Variants in TEK observed in about 807,000 individuals in gnomAD.
TEK encodes the protein angiopoietin-1 receptor.
In TEK, 43 loss-of-function variants were observed where a neutral mutation model predicts 131.8. The observed-to-expected ratio is 0.33, with a 90% CI of 0.26 to 0.42. The LOEUF (loss-of-function observed/expected upper bound fraction) is 0.42. TEK is among the 10% of genes least tolerant of loss of function. The probability of loss-of-function intolerance (pLI) is 1.00; values close to 1 mark genes in which losing one functional copy is unlikely to be tolerated. For missense variants in TEK, 1,162 were observed against 1,384.4 expected, an observed-to-expected ratio of 0.84 and a Z score of 2.55; for synonymous variants, 580 against 491.6, an observed-to-expected ratio of 1.18 and a Z score of -2.38.
At chr9:27,201,820 G>A (rs955023218) in intron 12 of TEK, among the ~76,000 whole-genome samples, 24 of 152,254 alleles carry the variant, frequency 1.6e-4, no homozygotes, top group African/African-American at 5.5e-4. Context: ...TCTACTATTC[G>A]CCTACTGGGA....
rs66900456 is a variant in TEK at position 27,116,859 on chromosome 9, ATTT to A, written c.52+7235_52+7237del. Among the ~76,000 whole-genome samples the A allele has an allele frequency of 9.2e-3, 1,109 of 120,730 alleles. 21 individuals carry two copies. Among genetic ancestry groups the A allele is most frequent in the African/African-American group, 0.033 (1,029 of 31,094 alleles). The allele number at this position is 120,730 out of a possible 152,430, so 79.2% of individuals were successfully genotyped here. A position where few individuals can be genotyped will look rare whatever the true frequency, so the allele number is the denominator to read the frequency against. On this transcript the variant is annotated intron_variant, in intron 1 of 22. Transcript: ENST00000380036. ...GCTGCTGTAGCAGCCATGGAAAGAAATTTTTTTTTTTTTTTTTTTTGAGTCGGA... is the reference window on the plus strand; with the variant it reads ...GCTGCTGTAGCAGCCATGGAAAGAAATTTTTTTTTTTTTTTTTGAGTCGGA...
intron 7 of TEK, 107 bp downstream of exon 7, chr9:27,180,475 T>C (rs1271765067): frequency 6.7e-7 from 1 of 1,490,076 alleles, no homozygotes; most frequent in Non-Finnish European, 9.1e-7. Context: ...GCCTCTTTTG[T>C]TTCCATCCAG....
At chr9:27,130,177 C>A (rs897229904) in intron 1 of TEK, among the ~76,000 whole-genome samples, 1 of 152,106 alleles carries the variant, frequency 6.6e-6, no homozygotes, top group Non-Finnish European at 1.5e-5. Flanking sequence ...ACTGTAATAA[C>A]AGTGTTACAG....
In TEK at chr9:27,202,898, A is replaced by G; in HGVS notation, c.1988A>G (p.Asp663Gly). The G allele has an allele frequency of 3.1e-6, 5 of 1,614,160 alleles. No homozygotes were observed. The highest frequency in any genetic ancestry group is 4.2e-6 in the Non-Finnish European group (5 of 1,179,990). Residue 663 changes from aspartate to glycine, a missense_variant, in exon 13 of 23, where the codon GAT (aspartate) becomes GGT (glycine). By Grantham distance (94) the Asp-to-Gly change is moderately conservative. Coordinates refer to ENST00000380036, the MANE Select transcript of TEK (RefSeq NM_000459.5). ...GCTGTGATTTCTTGGACAATATTGG[A>G]TGGCTATTCTATTTCTTCTATTACT... is the stretch of plus-strand genomic sequence containing the variant. ...SSAVISWTILDGYSISSITIR... is the reference protein window; with the variant it reads ...SSAVISWTILGGYSISSITIR...
intron 15 of TEK, among the ~76,000 whole-genome samples, chr9:27,207,275 G>C (rs1564098326): frequency 6.6e-6 from 1 of 152,132 alleles, no homozygotes; most frequent in Non-Finnish European, 1.5e-5. Context: ...AGTCTTCATA[G>C]GTTAACTGTA....
chr9:27,113,934 C>T (rs758696262), intron 1 of TEK, among the ~76,000 whole-genome samples: 21 of 152,190 alleles, frequency 1.4e-4, no homozygotes, highest in Non-Finnish European at 2.8e-4. Context: ...CATGCTGTTC[C>T]ATCCATTTAG....
intron 17 of TEK, 108 bp downstream of exon 17, chr9:27,213,005 T>A: frequency 8.3e-7 from 1 of 1,201,552 alleles, no homozygotes. Flanking sequence ...AACTCCTTCT[T>A]AAAATCTCCC....
intron 8 of TEK, among the ~76,000 whole-genome samples, chr9:27,184,822 T>C (rs1824536927): frequency 6.6e-6 from 1 of 151,986 alleles, no homozygotes; most frequent in Non-Finnish European, 1.5e-5. Flanking sequence ...AGGATCACTT[T>C]AGGCCAGAAA....
chr9:27,160,032 T>C, intron 2 of TEK, among the ~76,000 whole-genome samples: 1 of 146,562 alleles, frequency 6.8e-6, no homozygotes, highest in Non-Finnish European at 1.5e-5. Context: ...TTTTTTTTTT[T>C]TTTTTTTTAA....
chr9:27,120,602 C>G (rs1016440317), intron 1 of TEK, among the ~76,000 whole-genome samples: 1 of 152,204 alleles, frequency 6.6e-6, no homozygotes, highest in Admixed American at 6.5e-5. Context: ...TTCTGAGGAG[C>G]CTTATGAAAT....
At chr9:27,223,472 A>T (rs943577323) in intron 21 of TEK, among the ~76,000 whole-genome samples, 5 of 152,348 alleles carry the variant, frequency 3.3e-5, no homozygotes, top group South Asian at 2.1e-4. Flanking sequence ...CTCACTGAAA[A>T]CCACACAACT....
At chr9:27,211,417 A>C (rs1325314660) in intron 16 of TEK, among the ~76,000 whole-genome samples, 3 of 144,968 alleles carry the variant, frequency 2.1e-5, no homozygotes, top group African/African-American at 7.5e-5. Flanking sequence ...TCAATTTCTT[A>C]GAAGATCTTT....
At chr9:27,112,156 C>A (rs1425472566) in intron 1 of TEK, among the ~76,000 whole-genome samples, 1 of 152,162 alleles carries the variant, frequency 6.6e-6, no homozygotes, top group Non-Finnish European at 1.5e-5. Flanking sequence ...GCCTCGGCCT[C>A]CCAAAGTGCT....
chr9:27,180,211 T>C (rs190492481), intron 6 of TEK, 29 bp from the exon 7 acceptor site: 1 of 1,613,368 alleles, frequency 6.2e-7, no homozygotes, highest in African/African-American at 1.3e-5. Context: ...CCTGGATTAA[T>C]ACTGGTTTTT....
intron 13 of TEK, among the ~76,000 whole-genome samples, chr9:27,204,121 T>C (rs1825318519): frequency 6.6e-6 from 1 of 152,202 alleles, no homozygotes; most frequent in Non-Finnish European, 1.5e-5. Flanking sequence ...AAGAGAAAAC[T>C]TTTAAAACAA....
At chr9:27,191,565 A>G (rs907551797) in intron 10 of TEK, among the ~76,000 whole-genome samples, 2 of 149,326 alleles carry the variant, frequency 1.3e-5, no homozygotes, top group Non-Finnish European at 3.0e-5. Flanking sequence ...TCTATTCACT[A>G]TATGGAGATA....
Position 27,197,572 on chromosome 9 carries a change from G to A in TEK, c.1882G>A (p.Asp628Asn). ...CAAGGCCCAGGGGGAATGGAGTGAA[G>A]ATCTCACTGCTTGGACCCTTAGTGA... ...NTKAQGEWSE[D>N]LTAWTLSDIL... is the part of the protein sequence containing the mutation. Residue 628 changes from aspartate (D) to asparagine (N), a missense_variant, in exon 12 of 23, where the codon GAT becomes AAT. Around this residue, in one of 6 missense-constraint regions of TEK, gnomAD observed 477 missense variants for 471.0 expected, o/e 1.01. Coordinates refer to ENST00000380036, the MANE Select transcript of TEK (RefSeq NM_000459.5). The A allele has an allele frequency of 6.2e-7, 1 of 1,614,028 alleles. No homozygotes were observed. The highest frequency in any genetic ancestry group is 8.5e-7 in the Non-Finnish European group (1 of 1,179,976).
At chr9:27,214,818 T>C (rs1378903033) in intron 18 of TEK, among the ~76,000 whole-genome samples, 2 of 152,166 alleles carry the variant, frequency 1.3e-5, no homozygotes, top group East Asian at 3.9e-4. Flanking sequence ...CATCAACACT[T>C]TCAGAAGCCA....
chr9:27,213,431 A>T, intron 17 of TEK, 53 bp from the exon 18 acceptor site: 1 of 1,363,298 alleles, frequency 7.3e-7, no homozygotes, highest in South Asian at 1.2e-5. Flanking sequence ...CAAAGTTTTC[A>T]GCCCTGGGGC....
Sources: gnomAD v4.1 joint callset for allele counts (sites outside exome capture counted in the v4.1 genomes callset) on GRCh38, gnomAD v4.1.1 for gene constraint, gnomAD v4.1.1 regional missense constraint, MANE v1.5 for transcripts, NCBI Gene and HGNC (gene_info 2026-07-23, HGNC 2026-07-21) for gene names.